The following PPP2R3C variants were observed in gnomAD, a reference collection of about 807,000 sequenced individuals.
PPP2R3C encodes serine/threonine-protein phosphatase 2A regulatory subunit B'' subunit gamma.
A neutral mutation model predicts 63.7 loss-of-function variants in PPP2R3C; 47 were observed. The observed-to-expected ratio is 0.74, with a 90% CI of 0.58 to 0.94. The LOEUF is 0.94. Ranked by LOEUF, PPP2R3C falls within the 40% of genes least tolerant of loss-of-function variation. The pLI, the probability that PPP2R3C is intolerant of heterozygous loss-of-function variation, is 0.00. For missense variants in PPP2R3C, 421 were observed against 518.4 expected (o/e 0.81, Z 1.82); for synonymous variants, 180 against 177.4 (o/e 1.01, Z -0.12).
At chr14:35,096,501 A>AC in intron 9 of PPP2R3C, 57 bp downstream of exon 9, 1 of 1,502,624 alleles carries the variant, frequency 6.7e-7, no homozygotes, top group Non-Finnish European at 9.2e-7. Flanking sequence ...TGTCCTCTGA[A>AC]CACCAATTTC....
At chr14:35,095,240 G>A in intron 9 of PPP2R3C, 56 bp from the exon 10 acceptor site, 1 of 1,545,740 alleles carries the variant, frequency 6.5e-7, no homozygotes, top group Non-Finnish European at 8.8e-7. Context: ...TTAATCAGAA[G>A]AATAGACTAA....
Position 35,109,843 on chromosome 14 carries a change from C to A in PPP2R3C, c.380G>T (p.Gly127Val), listed in dbSNP as rs753963501. 1.2e-6 allele frequency: 2 copies of A among 1,601,702 alleles called. No homozygotes were observed. ...MINYENFLKV[G>V]EKAGAKCKQF... The stretch of plus-strand genomic sequence containing the variant: ...CTTGCACTTTGCTCCAGCCTTTTCA[C>A]CAACCTTCAAAAAGTTTTCGTAATT... The change falls in exon 4 of 13, where the codon GGT (glycine) becomes GTT (valine). Residue 127 changes from glycine to valine, a missense_variant. Gly to Val is a moderately radical substitution (Grantham distance 109). Coordinates refer to ENST00000261475, the MANE Select transcript of PPP2R3C (RefSeq NM_017917.4).
intron 2 of PPP2R3C, among the ~76,000 whole-genome samples, chr14:35,115,555 T>G (rs779385372): frequency 6.6e-6 from 1 of 152,104 alleles, no homozygotes; most frequent in Non-Finnish European, 1.5e-5. Context: ...GTCTATTTTG[T>G]CTATACGTCC....
In PPP2R3C at chr14:35,095,129, G is replaced by C. The variant is rs773232509; in HGVS notation, c.894C>G (p.Leu298=). 6.2e-7 allele frequency: 1 copy of C among 1,612,744 alleles called. No individual in the cohort carries two copies. Among genetic ancestry groups the C allele is most frequent in the Non-Finnish European group, 8.5e-7 (1 of 1,178,834 alleles). ...TCATGGTAGCTGTTCCATAGCGTGA[G>C]AGTTCTTCTTTACTGAGCATGCCAT... The part of the protein sequence containing the change: ...DHNGMLSKEE[L]SRYGTATMTN... The change falls in exon 10 of 13, where the codon CTC becomes CTG. Residue 298 remains leucine (L), a synonymous_variant. Coordinates refer to ENST00000261475, the MANE Select transcript of PPP2R3C (RefSeq NM_017917.4).
chr14:35,107,406 T>C (rs1376303720), intron 5 of PPP2R3C, 32 bp from the exon 6 acceptor site: 4 of 1,503,760 alleles, frequency 2.7e-6, no homozygotes, highest in Admixed American at 1.7e-5. Context: ...AAAGTAATTC[T>C]TAAGATCTAT....
chr14:35,091,962 C>T (rs564714004), intron 10 of PPP2R3C, among the ~76,000 whole-genome samples: 72 of 152,224 alleles, frequency 4.7e-4, no homozygotes, highest in Non-Finnish European at 8.8e-4. Flanking sequence ...TCAAGTGACC[C>T]GCCTGCCCCG....
Position 35,085,701 on chromosome 14 carries a change from T to G in PPP2R3C, c.1251A>C (p.Gly417=). Residue 417 remains glycine, a synonymous_variant, in exon 13 of 13, where the codon GGA becomes GGC. Coordinates refer to ENST00000261475, the MANE Select transcript of PPP2R3C (RefSeq NM_017917.4). ...SLQDLINSNQ[G]DTVTTILIDL... Reference sequence around the variant, plus strand: ...CGATTAGAATGGTGGTTACTGTGTCTCCTTGATTACTGTTGATTAAATCCT... The same window carrying G: ...CGATTAGAATGGTGGTTACTGTGTCGCCTTGATTACTGTTGATTAAATCCT... The G allele has an allele frequency of 6.2e-7, 1 of 1,612,486 alleles. No homozygotes were observed. The highest frequency in any genetic ancestry group is 8.5e-7 in the Non-Finnish European group (1 of 1,178,566).
At chr14:35,121,629 G>A (rs2046898286) in intron 1 of PPP2R3C, among the ~76,000 whole-genome samples, 1 of 152,206 alleles carries the variant, frequency 6.6e-6, no homozygotes, top group Admixed American at 6.5e-5. Context: ...CGTTGTTGGA[G>A]CCGGGGTTCC....
chr14:35,088,253 AAAAAT>A (rs1286375903), intron 11 of PPP2R3C, among the ~76,000 whole-genome samples: 6 of 152,180 alleles, frequency 3.9e-5, no homozygotes, highest in Non-Finnish European at 8.8e-5. Context: ...CTTCAGGAAA[AAAAAT>A]AAAAAGATTA....
chr14:35,108,727 G>A (rs2046442471), intron 4 of PPP2R3C, among the ~76,000 whole-genome samples: 3 of 151,540 alleles, frequency 2.0e-5, no homozygotes, highest in Admixed American at 1.3e-4. Context: ...CTGAGATTGC[G>A]CCACTCCCCT....
intron 10 of PPP2R3C, among the ~76,000 whole-genome samples, chr14:35,093,243 A>G (rs937831870): frequency 1.3e-5 from 2 of 152,050 alleles, no homozygotes; most frequent in Non-Finnish European, 2.9e-5. Flanking sequence ...AAACAAAACA[A>G]AAAAACAGGA....
At chr14:35,113,494 G>A (rs186631692) in intron 2 of PPP2R3C, among the ~76,000 whole-genome samples, 1 of 152,150 alleles carries the variant, frequency 6.6e-6, no homozygotes, top group African/African-American at 2.4e-5. Context: ...CCTGGGCTCA[G>A]GAACGGGGTC....
chr14:35,092,834 A>C (rs763313263), intron 10 of PPP2R3C, among the ~76,000 whole-genome samples: 1 of 152,194 alleles, frequency 6.6e-6, no homozygotes, highest in Non-Finnish European at 1.5e-5. Flanking sequence ...ATTTCCAATA[A>C]GAAGCTGTCT....
intron 6 of PPP2R3C, among the ~76,000 whole-genome samples, chr14:35,106,158 T>C (rs2046350751): frequency 6.6e-6 from 1 of 152,090 alleles, no homozygotes; most frequent in African/African-American, 2.4e-5. Context: ...TTGTCTACTG[T>C]CTCTTATTTA....
At chr14:35,087,673 T>C (rs2045653925) in intron 12 of PPP2R3C, 2 of 354,188 alleles carry the variant, frequency 5.6e-6, no homozygotes, top group Non-Finnish European at 1.1e-5. Context: ...GTGCTGGGAT[T>C]ACAAGCATGA....
chr14:35,086,072 A>G (rs987409343), intron 12 of PPP2R3C: 2 of 291,982 alleles, frequency 6.8e-6, no homozygotes, highest in African/African-American at 2.2e-5. Flanking sequence ...ATCTAGCTAC[A>G]TAGGTAATTA....
intron 6 of PPP2R3C, among the ~76,000 whole-genome samples, chr14:35,104,239 C>T (rs1424527044): frequency 6.6e-6 from 1 of 152,168 alleles, no homozygotes; most frequent in East Asian, 1.9e-4. Context: ...AAGCAAGAGC[C>T]TTTTATTCTC....
intron 2 of PPP2R3C, among the ~76,000 whole-genome samples, chr14:35,113,574 C>T (rs1387963747): frequency 2.6e-5 from 4 of 152,210 alleles, no homozygotes; most frequent in African/African-American, 9.6e-5. Flanking sequence ...CAGCTCACTC[C>T]CACTATGGCA....
chr14:35,104,446 T>C, intron 6 of PPP2R3C, among the ~76,000 whole-genome samples: 1 of 152,206 alleles, frequency 6.6e-6, no homozygotes, highest in Non-Finnish European at 1.5e-5. Flanking sequence ...AATTATTTGA[T>C]TAATTAACCT....
Sources: gnomAD v4.1 joint callset for allele counts (sites outside exome capture counted in the v4.1 genomes callset) on GRCh38, gnomAD v4.1.1 for gene constraint, MANE v1.5 for transcripts, NCBI Gene and HGNC (gene_info 2026-07-23, HGNC 2026-07-21) for gene names.